Variants in ZFPM2 observed in about 807,000 individuals in gnomAD.
ZFPM2 encodes the protein zinc finger protein ZFPM2.
A neutral mutation model predicts 98.6 loss-of-function variants in ZFPM2; 20 were observed. The ratio of observed to expected loss-of-function variants is 0.20; its 90% confidence interval spans 0.14 to 0.29. The LOEUF is 0.29. Among genes scored for constraint, ZFPM2 ranks in the 10% least tolerant of loss-of-function variants. ZFPM2 has a pLI of 1.00. For synonymous variants in ZFPM2, 518 were observed against 502.7 expected, an observed-to-expected ratio of 1.03 and a Z score of -0.41; for missense variants, 1,310 against 1,388.6, an observed-to-expected ratio of 0.94 and a Z score of 0.90.
At chr8:105,687,252 A>G (rs1810761521) in intron 5 of ZFPM2, among the ~76,000 whole-genome samples, 1 of 152,168 alleles carries the variant, frequency 6.6e-6, no homozygotes, top group Admixed American at 6.5e-5. Context: ...TGCATAAGAA[A>G]TATATGCTGT....
intron 1 of ZFPM2, among the ~76,000 whole-genome samples, chr8:105,394,093 C>T (rs1811172697): frequency 6.6e-6 from 1 of 151,994 alleles, no homozygotes; most frequent in Non-Finnish European, 1.5e-5. Context: ...CGGGGTTTCA[C>T]CGTGTTAGCC....
chr8:105,590,808 A>C (rs1815826540), intron 4 of ZFPM2, among the ~76,000 whole-genome samples: 1 of 152,166 alleles, frequency 6.6e-6, no homozygotes, highest in Admixed American at 6.6e-5. Flanking sequence ...AGTGTAGCTG[A>C]CTTTACCAGC....
intron 3 of ZFPM2, among the ~76,000 whole-genome samples, chr8:105,465,893 G>A (rs1330326810): frequency 6.6e-6 from 1 of 151,854 alleles, no homozygotes; most frequent in Non-Finnish European, 1.5e-5. Flanking sequence ...AACTTGTTAA[G>A]GGAAAATTTG....
chr8:105,548,704 G>A (rs1814771358), intron 3 of ZFPM2, among the ~76,000 whole-genome samples: 1 of 152,078 alleles, frequency 6.6e-6, no homozygotes, highest in Non-Finnish European at 1.5e-5. Flanking sequence ...TCCTCCCTCT[G>A]AGATGCCATT....
intron 3 of ZFPM2, among the ~76,000 whole-genome samples, chr8:105,447,654 A>T (rs961729387): frequency 1.3e-5 from 2 of 152,108 alleles, no homozygotes; most frequent in African/African-American, 4.8e-5. Flanking sequence ...TCACCCTAAG[A>T]GAGATGATTT....
At chr8:105,371,748 A>G (rs1452844129) in intron 1 of ZFPM2, among the ~76,000 whole-genome samples, 1 of 152,158 alleles carries the variant, frequency 6.6e-6, no homozygotes, top group East Asian at 1.9e-4. Flanking sequence ...CTAAAATATG[A>G]GACTAGATTA....
intron 4 of ZFPM2, among the ~76,000 whole-genome samples, chr8:105,585,898 A>G (rs547369068): frequency 5.3e-5 from 8 of 152,186 alleles, no homozygotes; most frequent in Admixed American, 2.0e-4. Context: ...ATGAAAAAAT[A>G]GAAGGGATGT....
chr8:105,718,318 G>A (rs1461847203), intron 5 of ZFPM2, among the ~76,000 whole-genome samples: 3 of 151,906 alleles, frequency 2.0e-5, no homozygotes, highest in Non-Finnish European at 2.9e-5. Context: ...TTGGTTAGTT[G>A]ATGCCAGTTT....
intron 5 of ZFPM2, among the ~76,000 whole-genome samples, chr8:105,660,232 A>T (rs998730950): frequency 7.9e-5 from 12 of 152,034 alleles, no homozygotes; most frequent in Middle Eastern, 3.4e-3. Context: ...TGTTTTTTTC[A>T]TTGTTTGGTT....
At chr8:105,534,046 T>TCCTCCCTC (rs1563704403) in intron 3 of ZFPM2, among the ~76,000 whole-genome samples, 2 of 23,286 alleles carry the variant, frequency 8.6e-5, no homozygotes, top group African/African-American at 4.4e-4. Flanking sequence ...CTCCCTCCCT[T>TCCTCCCTC]CCTCCCTTCC....
chr8:105,544,230 G>T (rs1814642416), intron 3 of ZFPM2, among the ~76,000 whole-genome samples: 1 of 152,162 alleles, frequency 6.6e-6, no homozygotes, highest in South Asian at 2.1e-4. Flanking sequence ...TCTAGTATGG[G>T]TGTTAGAATA....
At chr8:105,712,446 C>G (rs1332308249) in intron 5 of ZFPM2, among the ~76,000 whole-genome samples, 2 of 151,908 alleles carry the variant, frequency 1.3e-5, no homozygotes, top group Non-Finnish European at 2.9e-5. Context: ...AGTATTACCT[C>G]AATATTAACT....
chr8:105,665,633 T>G (rs1817475152), intron 5 of ZFPM2, among the ~76,000 whole-genome samples: 1 of 152,224 alleles, frequency 6.6e-6, no homozygotes, highest in African/African-American at 2.4e-5. Context: ...GAAACTCATT[T>G]TAGGTTTTGT....
chr8:105,493,467 G>T (rs909338852), intron 3 of ZFPM2, among the ~76,000 whole-genome samples: 2 of 152,180 alleles, frequency 1.3e-5, no homozygotes, highest in Admixed American at 6.5e-5. Context: ...AGACAATCTT[G>T]TACCGCATGC....
chr8:105,406,041 C>T (rs1286357805), intron 1 of ZFPM2, among the ~76,000 whole-genome samples: 1 of 152,110 alleles, frequency 6.6e-6, no homozygotes, highest in Non-Finnish European at 1.5e-5. Context: ...TGATGGTGAG[C>T]ATTTTTTCAT....
intron 5 of ZFPM2, among the ~76,000 whole-genome samples, chr8:105,665,895 A>T (rs113899409): frequency 9.3e-4 from 141 of 152,344 alleles, no homozygotes; most frequent in Non-Finnish European, 1.7e-3. Context: ...AATGGTATAC[A>T]ATTGTGAACT....
chr8:105,419,361 T>TAA, intron 2 of ZFPM2, 59 bp downstream of exon 2: 10 of 1,568,494 alleles, frequency 6.4e-6, no homozygotes, highest in South Asian at 1.2e-5. Flanking sequence ...TGTAATGTTT[T>TAA]AAAAAAATGC....
chr8:105,491,951 A>G (rs1258723094), intron 3 of ZFPM2, among the ~76,000 whole-genome samples: 1 of 152,210 alleles, frequency 6.6e-6, no homozygotes, highest in Non-Finnish European at 1.5e-5. Context: ...TGTTGGAAAT[A>G]CAACACAAGT....
rs1301932420 is a variant in ZFPM2 at position 105,512,380 on chromosome 8, C to T, written c.302-48983C>T. On this transcript the variant is annotated intron_variant, in intron 3 of 7. Coordinates refer to ENST00000407775, the MANE Select transcript of ZFPM2 (RefSeq NM_012082.4). ...ATGAAATGGGAATGATAATGAGTAC[C>T]CCCAACAGACTTACTAGGATTGAAC... Among the ~76,000 whole-genome samples the T allele has an allele frequency of 2.6e-5, 4 of 152,058 alleles. No homozygotes were observed. The East Asian group carries it at 7.7e-4, about 29-fold the overall frequency.
Sources: allele counts gnomAD v4.1 joint callset (sites outside exome capture counted in the v4.1 genomes callset), GRCh38; gene constraint gnomAD v4.1.1; transcripts MANE v1.5; gene names NCBI Gene and HGNC (gene_info 2026-07-23, HGNC 2026-07-21).